TFB2M: variants seen among roughly 807,000 people sequenced by gnomAD.
TFB2M encodes the protein transcription factor B2, mitochondrial.
TFB2M carries 44 observed loss-of-function variants against 41.3 expected under a neutral mutation model. The observed-to-expected ratio is 1.07, with a 90% CI of 0.84 to 1.37. TFB2M has a LOEUF of 1.37. Ranked by LOEUF, TFB2M falls within the 40% of genes most tolerant of loss-of-function variation. TFB2M has a pLI of 0.00. For synonymous variants in TFB2M, 188 were observed against 176.8 expected (o/e 1.06, Z -0.50); for missense variants, 496 against 490.2 (o/e 1.01, Z -0.11).
In TFB2M at chr1:246,557,534, A is replaced by G. The variant is rs1659355887; in HGVS notation, c.403T>C (p.Ser135Pro). ...TTTCCATCCAGATTTTTTCCTAAGGACTAAAGAGAGACAAAGATAACACGT... is the reference window on the plus strand; with the variant it reads ...TTTCCATCCAGATTTTTTCCTAAGGGCTAAAGAGAGACAAAGATAACACGT... ...SDKTFIPHLE[S>P]LGKNLDGKLR... The change falls in exon 3 of 8, where the codon TCC becomes CCC. Residue 135 changes from serine (S) to proline (P), a missense_variant and splice_region_variant. Ser to Pro is a moderately conservative substitution (Grantham distance 74). Coordinates refer to ENST00000366514, the MANE Select transcript of TFB2M (RefSeq NM_022366.3). 6.3e-7 allele frequency: 1 copy of G among 1,588,900 alleles called. No homozygotes were observed. Among genetic ancestry groups the G allele is most frequent in the South Asian group, 1.2e-5 (1 of 85,004 alleles).
chr1:246,563,644 C>T (rs1659515509), intron 2 of TFB2M, among the ~76,000 whole-genome samples: 1 of 151,064 alleles, frequency 6.6e-6, no homozygotes, highest in Non-Finnish European at 1.5e-5. Context: ...CGATGTCAAA[C>T]AAGGAGATTG....
intron 4 of TFB2M, among the ~76,000 whole-genome samples, chr1:246,552,661 G>A (rs750413717): frequency 2.1e-4 from 32 of 151,688 alleles, no homozygotes; most frequent in Non-Finnish European, 3.5e-4. Flanking sequence ...AACATACCAC[G>A]ACATTCAAGC....
At chr1:246,559,773 T>G (rs745333888) in intron 2 of TFB2M, among the ~76,000 whole-genome samples, 1 of 152,084 alleles carries the variant, frequency 6.6e-6, no homozygotes, top group African/African-American at 2.4e-5. Context: ...TATAAATGTG[T>G]GGGAATTTGG....
At chr1:246,542,291 G>A (rs1658880513) in intron 7 of TFB2M, among the ~76,000 whole-genome samples, 1 of 150,726 alleles carries the variant, frequency 6.6e-6, no homozygotes, top group African/African-American at 2.4e-5. Context: ...AATCAATGAG[G>A]TATATTATAT....
intron 6 of TFB2M, among the ~76,000 whole-genome samples, chr1:246,546,713 C>T (rs1432525966): frequency 6.7e-6 from 1 of 148,916 alleles, no homozygotes; most frequent in East Asian, 1.9e-4. Flanking sequence ...GATAAAACAT[C>T]ACCATCGGAT....
chr1:246,561,359 C>T (rs1420309026), intron 2 of TFB2M, among the ~76,000 whole-genome samples: 1 of 152,198 alleles, frequency 6.6e-6, no homozygotes, highest in African/African-American at 2.4e-5. Flanking sequence ...GCTTCAGAAA[C>T]ATTTTGTTAT....
At chr1:246,544,705 G>T in intron 6 of TFB2M, 24 bp from the exon 7 acceptor site, 1 of 1,570,370 alleles carries the variant, frequency 6.4e-7, no homozygotes, top group Middle Eastern at 1.7e-4. Flanking sequence ...AAAATGAATT[G>T]CATTAGTCAC....
chr1:246,543,427 A>C (rs973647400), intron 7 of TFB2M, among the ~76,000 whole-genome samples: 2 of 152,008 alleles, frequency 1.3e-5, no homozygotes, highest in African/African-American at 4.8e-5. Context: ...CATGCCTGTA[A>C]CCCCAACACT....
chr1:246,562,404 T>C (rs1228157177), intron 2 of TFB2M, among the ~76,000 whole-genome samples: 2 of 152,364 alleles, frequency 1.3e-5, no homozygotes, highest in East Asian at 3.9e-4. Context: ...ATTTGGATGA[T>C]GCCTTCACTC....
At chr1:246,557,117 T>C (rs1659344564) in intron 3 of TFB2M, among the ~76,000 whole-genome samples, 1 of 151,778 alleles carries the variant, frequency 6.6e-6, no homozygotes, top group Non-Finnish European at 1.5e-5. Flanking sequence ...CTACCAAAAA[T>C]ACAAAAAAAT....
At chr1:246,550,775 C>T (rs926077297) in intron 5 of TFB2M, among the ~76,000 whole-genome samples, 3 of 152,140 alleles carry the variant, frequency 2.0e-5, no homozygotes, top group South Asian at 2.1e-4. Context: ...CCCAGCTACT[C>T]GGGAGGCCGA....
intron 4 of TFB2M, among the ~76,000 whole-genome samples, chr1:246,552,562 T>C (rs1659214462): frequency 6.6e-6 from 1 of 151,160 alleles, no homozygotes; most frequent in African/African-American, 2.4e-5. Flanking sequence ...TACCTGGGTG[T>C]GGTGGTGTGC....
chr1:246,555,781 G>GTATA (rs35788260), intron 4 of TFB2M, among the ~76,000 whole-genome samples: 15 of 151,374 alleles, frequency 9.9e-5, no homozygotes, highest in South Asian at 8.4e-4. Flanking sequence ...ACAAACTGTA[G>GTATA]TATATATATA....
At chr1:246,554,295 A>G (rs140370519) in intron 4 of TFB2M, among the ~76,000 whole-genome samples, 13 of 152,298 alleles carry the variant, frequency 8.5e-5, no homozygotes, top group South Asian at 4.2e-4. Flanking sequence ...CAGGTCCCCA[A>G]TCCCCGGGCC....
intron 1 of TFB2M, among the ~76,000 whole-genome samples, chr1:246,564,683 T>G (rs566880674): frequency 4.1e-5 from 6 of 147,040 alleles, no homozygotes; most frequent in African/African-American, 1.5e-4. Flanking sequence ...CCTGCACTCT[T>G]TTTTTTTTTT....
chr1:246,541,872 T>C (rs1658864991), intron 7 of TFB2M, among the ~76,000 whole-genome samples: 2 of 152,352 alleles, frequency 1.3e-5, no homozygotes, highest in East Asian at 1.9e-4. Flanking sequence ...CATTGGTAAA[T>C]ACATTATAAA....
In TFB2M at chr1:246,562,874, G is replaced by A. The variant is rs192629858; in HGVS notation, c.402+1472C>T. Among the ~76,000 whole-genome samples, 130 of 152,184 alleles carry A rather than the reference G, an allele frequency of 8.5e-4. 2 individuals are homozygous for A. Among genetic ancestry groups the A allele is most frequent in the African/African-American group, 3.1e-3 (128 of 41,514 alleles). Reference sequence around the variant, plus strand: ...GGGGTTTCACCATGTTGGTCAGGATGGTCTCAATCTCTTAACCTAGTGATC... The same window carrying A: ...GGGGTTTCACCATGTTGGTCAGGATAGTCTCAATCTCTTAACCTAGTGATC... On this transcript the variant is annotated intron_variant, in intron 2 of 7. Transcript: ENST00000366514.
chr1:246,564,681 CTTT>C (rs552531866), intron 1 of TFB2M, among the ~76,000 whole-genome samples: 16 of 141,138 alleles, frequency 1.1e-4, no homozygotes, highest in African/African-American at 2.6e-4. Context: ...AACCTGCACT[CTTT>C]TTTTTTTTTT....
intron 4 of TFB2M, among the ~76,000 whole-genome samples, chr1:246,554,799 C>T (rs1659277175): frequency 6.6e-6 from 1 of 152,024 alleles, no homozygotes; most frequent in African/African-American, 2.4e-5. Context: ...TTGGGGACCG[C>T]CCAGCTACGT....
Sources: allele counts gnomAD v4.1 joint callset (sites outside exome capture counted in the v4.1 genomes callset), GRCh38; gene constraint gnomAD v4.1.1; transcripts MANE v1.5; gene names NCBI Gene and HGNC (gene_info 2026-07-23, HGNC 2026-07-21).